CACNA2D4: variants seen among roughly 807,000 people sequenced by gnomAD.
The protein encoded by CACNA2D4 is voltage-dependent calcium channel subunit alpha-2/delta-4.
Under a neutral mutation model 163.8 loss-of-function variants are expected in CACNA2D4, and 157 were observed. The ratio of observed to expected loss-of-function variants is 0.96; its 90% CI spans 0.84 to 1.09. CACNA2D4 has a LOEUF of 1.09. Ranked by LOEUF, CACNA2D4 falls within the 50% of genes least tolerant of loss-of-function variation. The probability of loss-of-function intolerance (pLI) is 0.00; values close to 1 mark genes in which losing one functional copy is unlikely to be tolerated. For synonymous variants in CACNA2D4, 598 were observed against 586.9 expected (o/e 1.02, Z -0.27); for missense variants, 1,410 against 1,479.9 (o/e 0.95, Z 0.78).
At chr12:1,796,204 G>A (rs891951581) in intron 35 of CACNA2D4, among the ~76,000 whole-genome samples, 1 of 152,218 alleles carries the variant, frequency 6.6e-6, no homozygotes, top group Non-Finnish European at 1.5e-5. Context: ...TGGCGCAGTG[G>A]CCCCGCGCTC....
chr12:1,846,361 G>A (rs1865141929), intron 24 of CACNA2D4, among the ~76,000 whole-genome samples: 1 of 150,908 alleles, frequency 6.6e-6, no homozygotes, highest in Non-Finnish European at 1.5e-5. Flanking sequence ...GGGAAGGGTT[G>A]CCTTTCCCAC....
chr12:1,881,301 T>C (rs1353067786), intron 13 of CACNA2D4, among the ~76,000 whole-genome samples: 1 of 152,204 alleles, frequency 6.6e-6, no homozygotes, highest in Non-Finnish European at 1.5e-5. Context: ...AAGGACATCC[T>C]AGCACCGTCT....
chr12:1,846,461 C>T lies in CACNA2D4; in HGVS notation c.2342+133G>A, dbSNP rs550998919. 15 of 694,948 alleles carry T rather than the reference C, an allele frequency of 2.2e-5. No homozygotes were observed. In the East Asian group the frequency reaches 4.1e-4, roughly 19 times the overall value. 43.0% of individuals were successfully genotyped at this position (694,948 alleles called of 1,614,324 possible). On this transcript the variant is annotated intron_variant, in intron 24 of 37. Transcript: ENST00000382722. Reference sequence around the variant, plus strand: ...ATCTGTCAATCCCGATCCTTCTGCCCTGCTGGGCTCCCAGGGGTCCAGCAT... The same window carrying T: ...ATCTGTCAATCCCGATCCTTCTGCCTTGCTGGGCTCCCAGGGGTCCAGCAT...
chr12:1,843,998 A>G lies in CACNA2D4; in HGVS notation c.2470+404T>C, dbSNP rs1162021682. 6.6e-6 allele frequency among the ~76,000 whole-genome samples: 1 copy of G among 152,138 alleles called. No homozygotes were observed. On this transcript the variant is annotated intron_variant, in intron 25 of 37. Coordinates refer to ENST00000382722, the MANE Select transcript of CACNA2D4 (RefSeq NM_172364.5). The surrounding 1 kb of genome is among the most constrained non-coding windows in gnomAD (Gnocchi z 4.6). ...AAGAGCAGGGCAGCCCCACTGACTTAGTGAGTACTGCAGCCCCTAATGAAA... is the reference window on the plus strand; with the variant it reads ...AAGAGCAGGGCAGCCCCACTGACTTGGTGAGTACTGCAGCCCCTAATGAAA...
intron 2 of CACNA2D4, 91 bp downstream of exon 2, chr12:1,914,763 C>T: frequency 1.2e-6 from 1 of 828,448 alleles, no homozygotes; most frequent in Non-Finnish European, 2.1e-6. Context: ...TGATGGGATG[C>T]CCAAGGCCCC....
intron 30 of CACNA2D4, 37 bp downstream of exon 30, chr12:1,801,537 T>G: frequency 2.7e-6 from 4 of 1,484,922 alleles, no homozygotes; most frequent in Non-Finnish European, 3.7e-6. Context: ...CGGTTTGCTG[T>G]GTCTATTTGG....
rs1865864101 is a variant in CACNA2D4, at chr12:1,875,493, C to G, written c.1720-156G>C. Among the ~76,000 whole-genome samples, 1 of 152,162 alleles carries G rather than the reference C, an allele frequency of 6.6e-6. No homozygotes were observed. The highest frequency in any genetic ancestry group is 2.1e-4 in the South Asian group (1 of 4,830). ...TTACTTAAGGTTATCTGGGCAAATT[C>G]CACCTGATACAGAGCTCCCCTTACT... On this transcript the variant is annotated intron_variant, in intron 16 of 37. Transcript: ENST00000382722. The surrounding 1 kb of genome is among the most constrained non-coding windows in gnomAD (Gnocchi z 4.0).
chr12:1,801,792 C>G, intron 29 of CACNA2D4, 148 bp from the exon 30 acceptor site: 1 of 575,214 alleles, frequency 1.7e-6, no homozygotes, highest in Non-Finnish European at 3.1e-6. Flanking sequence ...CATAATCCAG[C>G]TGAACCCTTC....
intron 26 of CACNA2D4, 81 bp downstream of exon 26, chr12:1,840,658 G>A (rs1864997890): frequency 8.5e-7 from 1 of 1,177,336 alleles, no homozygotes; most frequent in African/African-American, 1.5e-5. Context: ...CACATGTGCA[G>A]GGCCTTCTGC....
chr12:1,824,761 G>T (rs1360099288), intron 26 of CACNA2D4, among the ~76,000 whole-genome samples: 2 of 152,232 alleles, frequency 1.3e-5, no homozygotes, highest in Non-Finnish European at 2.9e-5. Flanking sequence ...TCTTCTGGGG[G>T]TGGGAAGGGT....
intron 24 of CACNA2D4, among the ~76,000 whole-genome samples, chr12:1,846,070 G>A (rs1208286719): frequency 2.0e-5 from 3 of 152,116 alleles, no homozygotes; most frequent in African/African-American, 7.2e-5. Flanking sequence ...CACCAAGGTG[G>A]GAGTGGGTGG....
At chr12:1,903,017 A>C (rs191465358) in intron 6 of CACNA2D4, among the ~76,000 whole-genome samples, 2 of 152,282 alleles carry the variant, frequency 1.3e-5, no homozygotes, top group East Asian at 3.9e-4. Flanking sequence ...AAAAACAGAC[A>C]CATAGATCAA....
At chr12:1,910,432 C>T (rs1866784479) in intron 3 of CACNA2D4, among the ~76,000 whole-genome samples, 1 of 148,608 alleles carries the variant, frequency 6.7e-6, no homozygotes. Flanking sequence ...TTGATTATAC[C>T]CAATCTACCA....
At chr12:1,865,598 G>A (rs1047948652) in intron 18 of CACNA2D4, among the ~76,000 whole-genome samples, 1 of 152,262 alleles carries the variant, frequency 6.6e-6, no homozygotes, top group African/African-American at 2.4e-5. Context: ...CCATTACGCA[G>A]GCTGTCCCGT....
intron 6 of CACNA2D4, among the ~76,000 whole-genome samples, chr12:1,900,860 G>T (rs894802749): frequency 6.6e-5 from 10 of 152,078 alleles, no homozygotes; most frequent in African/African-American, 2.4e-4. Flanking sequence ...AGACTTAATT[G>T]ATATTTACAG....
At chr12:1,808,327 C>CTA (rs1863606363) in intron 29 of CACNA2D4, among the ~76,000 whole-genome samples, 1 of 152,196 alleles carries the variant, frequency 6.6e-6, no homozygotes, top group Admixed American at 6.5e-5. Flanking sequence ...AGCCCTTGAT[C>CTA]TAAGACTGGC....
At position 1,834,305 on chromosome 12, in the gene CACNA2D4, G is replaced by T. The variant is rs773855107; in HGVS notation, c.2551+6434C>A. 1.9e-6 allele frequency: 3 copies of T among 1,604,986 alleles called. No individual in the cohort carries two copies. The highest frequency in any genetic ancestry group is 2.6e-6 in the Non-Finnish European group (3 of 1,174,912). On this transcript the variant is annotated intron_variant, in intron 26 of 37. Transcript: ENST00000382722. The surrounding 1 kb of genome is among the most constrained non-coding windows in gnomAD (Gnocchi z 7.6). The stretch of plus-strand genomic sequence containing the variant: ...CCAGCTTGCCTGCACCCTGCCCAAG[G>T]AGCTGAGGGGGAAGGACATGCGGAT...
At chr12:1,855,956 C>G in intron 22 of CACNA2D4, 56 bp downstream of exon 22, 1 of 1,396,600 alleles carries the variant, frequency 7.2e-7, no homozygotes, top group South Asian at 1.2e-5. Flanking sequence ...CTGGCAAAGT[C>G]CTGAACTTCA....
intron 6 of CACNA2D4, among the ~76,000 whole-genome samples, chr12:1,892,747 C>T (rs188875572): frequency 3.5e-4 from 54 of 152,116 alleles, no homozygotes; most frequent in Admixed American, 3.3e-3. Flanking sequence ...CTAGAAGAAA[C>T]TCATCTCACC....
Sources: gnomAD v4.1 joint callset for allele counts (sites outside exome capture counted in the v4.1 genomes callset) on GRCh38, gnomAD v4.1.1 for gene constraint, Gnocchi (gnomAD v3.1) non-coding constraint, MANE v1.5 for transcripts, NCBI Gene and HGNC (gene_info 2026-07-23, HGNC 2026-07-21) for gene names.